AFF3: variants seen among roughly 807,000 people sequenced by gnomAD.
AFF3 encodes ALF transcription elongation factor 3, also known as AF4/FMR2 family member 3.
A neutral mutation model predicts 129.7 loss-of-function variants in AFF3; 32 were observed. That is an observed-to-expected ratio of 0.25 (90% confidence interval 0.19 to 0.33). The LOEUF is 0.33. Ranked by LOEUF, AFF3 falls within the 10% of genes least tolerant of loss-of-function variation. The pLI, the probability that AFF3 is intolerant of heterozygous loss-of-function variation, is 1.00. For missense variants in AFF3, 1,373 were observed against 1,592.0 expected (o/e 0.86, Z 2.34); for synonymous variants, 644 against 635.4 (o/e 1.01, Z -0.20).
At chr2:100,142,163 T>A (rs1692913012) in intron 1 of AFF3, among the ~76,000 whole-genome samples, 2 of 152,024 alleles carry the variant, frequency 1.3e-5, no homozygotes, top group South Asian at 4.1e-4. Flanking sequence ...AATATGTGTG[T>A]GAGCATGTTC....
intron 4 of AFF3, among the ~76,000 whole-genome samples, chr2:100,094,619 G>A (rs1690144305): frequency 6.7e-6 from 1 of 149,300 alleles, no homozygotes; most frequent in South Asian, 2.2e-4. Flanking sequence ...CACAGCCCGG[G>A]GGCTGGGGAC....
chr2:99,634,496 T>C (rs981037390), intron 13 of AFF3, among the ~76,000 whole-genome samples: 1 of 152,190 alleles, frequency 6.6e-6, no homozygotes. Flanking sequence ...TGAAGGCCGG[T>C]GCCCAGAGAA....
At chr2:100,026,070 G>T (rs1163376459) in intron 4 of AFF3, among the ~76,000 whole-genome samples, 1 of 152,194 alleles carries the variant, frequency 6.6e-6, no homozygotes, top group East Asian at 1.9e-4. Context: ...AAACTAAAGA[G>T]CTTTTGCACG....
Position 100,064,843 on chromosome 2 carries a change from A to C in AFF3, c.53+39559T>G, listed in dbSNP as rs140983415. On this transcript the variant is annotated intron_variant, in intron 4 of 24. Coordinates refer to ENST00000672756, the MANE Select transcript of AFF3 (RefSeq NM_001386135.1). ...CATCTACGCTGTTCTCTTTTTTATA[A>C]ATTCTATAGATTCATTATGATTAGA... Among the ~76,000 whole-genome samples, 15 of 152,330 alleles carry C rather than the reference A, an allele frequency of 9.8e-5. No homozygotes were observed. In the East Asian group the frequency reaches 2.7e-3, roughly 27 times the overall value.
intron 7 of AFF3, among the ~76,000 whole-genome samples, chr2:99,839,361 C>T (rs963338845): frequency 2.0e-5 from 3 of 152,106 alleles, no homozygotes; most frequent in Admixed American, 6.5e-5. Context: ...CCCCTCGCCT[C>T]GGCCTCCCAA....
chr2:99,622,347 A>G (rs1275066477), intron 13 of AFF3, among the ~76,000 whole-genome samples: 1 of 152,214 alleles, frequency 6.6e-6, no homozygotes, highest in Non-Finnish European at 1.5e-5. Flanking sequence ...AATTACCACG[A>G]ACACATTTTA....
Position 99,922,960 on chromosome 2 carries a change from A to G in AFF3, c.873+83672T>C, listed in dbSNP as rs1430936021. On this transcript the variant is annotated intron_variant, in intron 7 of 24. Coordinates refer to ENST00000672756, the MANE Select transcript of AFF3 (RefSeq NM_001386135.1). ...CTAAAATGCTTCTCGAACGTAGTAT[A>G]CTACATTCATGCTTATGCCATTCGT... Among the ~76,000 whole-genome samples, 3 of 152,204 alleles carry G rather than the reference A, an allele frequency of 2.0e-5. No homozygotes were observed. The East Asian group carries it at 5.8e-4, about 29-fold the overall frequency.
At chr2:99,734,757 G>A (rs1040945039) in intron 10 of AFF3, among the ~76,000 whole-genome samples, 3 of 151,886 alleles carry the variant, frequency 2.0e-5, no homozygotes, top group Admixed American at 1.3e-4. Context: ...TTTTGTACTT[G>A]GCTGGATGGA....
At chr2:100,009,066 A>G in intron 4 of AFF3, 134 bp from the exon 5 acceptor site, 1 of 1,229,072 alleles carries the variant, frequency 8.1e-7, no homozygotes, top group Non-Finnish European at 1.1e-6. Context: ...GATGAGACAA[A>G]AGCCAGAGTC....
chr2:99,860,657 G>C (rs1377167684), intron 7 of AFF3, among the ~76,000 whole-genome samples: 1 of 152,014 alleles, frequency 6.6e-6, no homozygotes, highest in Non-Finnish European at 1.5e-5. Flanking sequence ...GAACCCAGGA[G>C]GTAGAGGTTA....
intron 10 of AFF3, among the ~76,000 whole-genome samples, chr2:99,727,957 G>A (rs1029100487): frequency 3.3e-5 from 5 of 152,164 alleles, no homozygotes; most frequent in Non-Finnish European, 7.3e-5. Context: ...GGCAGGTTTT[G>A]GGGCCCCTAG....
chr2:100,141,858 A>C (rs1349500356), intron 1 of AFF3, among the ~76,000 whole-genome samples: 5 of 152,166 alleles, frequency 3.3e-5, no homozygotes, highest in Non-Finnish European at 1.5e-5. Flanking sequence ...GTGTTTATGC[A>C]CATACACAGA....
At chr2:99,691,656 G>C (rs559364098) in intron 11 of AFF3, among the ~76,000 whole-genome samples, 8 of 152,166 alleles carry the variant, frequency 5.3e-5, no homozygotes, top group Admixed American at 1.3e-4. Flanking sequence ...TTCTTCAAAA[G>C]AGTCTTAAGT....
intron 7 of AFF3, among the ~76,000 whole-genome samples, chr2:99,959,537 A>G (rs1677018089): frequency 1.3e-5 from 2 of 151,546 alleles, no homozygotes; most frequent in Non-Finnish European, 1.5e-5. Flanking sequence ...TCACATTAAT[A>G]TAATGTTCTC....
chr2:99,807,433 C>T (rs1009115306), intron 8 of AFF3, among the ~76,000 whole-genome samples: 2 of 152,136 alleles, frequency 1.3e-5, no homozygotes, highest in Non-Finnish European at 2.9e-5. Flanking sequence ...ACTGTCACAT[C>T]CCCTAATTGA....
chr2:99,937,823 G>A (rs1299164723), intron 7 of AFF3, among the ~76,000 whole-genome samples: 1 of 152,194 alleles, frequency 6.6e-6, no homozygotes, highest in African/African-American at 2.4e-5. Context: ...TTATAATTGG[G>A]AAGAATGTCC....
chr2:100,094,760 T>C (rs1419479314), intron 4 of AFF3, among the ~76,000 whole-genome samples: 10 of 133,796 alleles, frequency 7.5e-5, no homozygotes, highest in Non-Finnish European at 1.5e-4. Context: ...CAGGATGCTC[T>C]GAGCTTCTAT....
chr2:99,702,254 C>T (rs1320233185), intron 11 of AFF3, among the ~76,000 whole-genome samples: 3 of 152,228 alleles, frequency 2.0e-5, no homozygotes, highest in Admixed American at 1.3e-4. Context: ...AGTTACTCCA[C>T]ATCCTTGCCA....
intron 11 of AFF3, chr2:99,707,306 T>C: frequency 1.0e-6 from 1 of 985,000 alleles, no homozygotes; most frequent in Non-Finnish European, 1.2e-6. Flanking sequence ...GGTTAGAGAT[T>C]AAAGAAAAAA....
Sources: allele counts gnomAD v4.1 joint callset (sites outside exome capture counted in the v4.1 genomes callset), GRCh38; gene constraint gnomAD v4.1.1; transcripts MANE v1.5; gene names NCBI Gene and HGNC (gene_info 2026-07-23, HGNC 2026-07-21).